PLAAT1: variants seen among roughly 807,000 people sequenced by gnomAD.
PLAAT1 encodes the protein phospholipase A and acyltransferase 1.
A neutral mutation model predicts 16.4 loss-of-function variants in PLAAT1; 13 were observed. That is an observed-to-expected ratio of 0.79 (90% CI 0.52 to 1.26). The LOEUF (loss-of-function observed/expected upper bound fraction) is 1.26, where lower values mean the gene tolerates loss of function less well. Ranked by LOEUF, PLAAT1 falls within the 50% of genes most tolerant of loss-of-function variation. The pLI is 0.00. For missense variants in PLAAT1, 218 were observed against 207.8 expected (o/e 1.05, Z -0.30); for synonymous variants, 73 against 78.4 (o/e 0.93, Z 0.36).
intron 2 of PLAAT1, among the ~76,000 whole-genome samples, chr3:193,262,047 T>C (rs1393636731): frequency 6.6e-6 from 1 of 152,216 alleles, no homozygotes; most frequent in African/African-American, 2.4e-5. Flanking sequence ...GGAGACTCTC[T>C]CTCATGATTG....
In PLAAT1 at chr3:193,267,286, A is replaced by T. The variant is rs545299550; in HGVS notation, c.406-3318A>T. Among the ~76,000 whole-genome samples, 6 of 152,258 alleles carry T rather than the reference A, an allele frequency of 3.9e-5. No homozygotes were observed. In the South Asian group the frequency reaches 1.2e-3, roughly 32 times the overall value. On this transcript the variant is annotated intron_variant, in intron 3 of 3. Coordinates refer to ENST00000264735, the MANE Select transcript of PLAAT1 (RefSeq NM_020386.5). ...ATTCTATGGTTTGGACAAATTTAAAATGACACAATCCATTATTATAGTATT... is the reference window on the plus strand; with the variant it reads ...ATTCTATGGTTTGGACAAATTTAAATTGACACAATCCATTATTATAGTATT...
chr3:193,245,385 G>A (rs1225687757), intron 1 of PLAAT1, among the ~76,000 whole-genome samples: 1 of 152,132 alleles, frequency 6.6e-6, no homozygotes, highest in African/African-American at 2.4e-5. Flanking sequence ...TTTTTTAAAA[G>A]GCTGTATAGT....
At chr3:193,250,671 G>A (rs764152063) in intron 1 of PLAAT1, among the ~76,000 whole-genome samples, 36 of 152,066 alleles carry the variant, frequency 2.4e-4, no homozygotes, top group Admixed American at 9.2e-4. Flanking sequence ...AGGAAAAGGT[G>A]TAGAGGGAGT....
downstream of PLAAT1, chr3:193,281,334 T>G (rs1368401895): frequency 3.4e-6 from 1 of 290,556 alleles, no homozygotes; most frequent in Non-Finnish European, 5.1e-6. Context: ...AGGTCTCGCC[T>G]GTGCACAAGT....
intron 2 of PLAAT1, among the ~76,000 whole-genome samples, chr3:193,277,176 A>T (rs190174675): frequency 6.6e-6 from 1 of 152,186 alleles, no homozygotes; most frequent in Admixed American, 6.5e-5. Context: ...AGATTAAATC[A>T]TTCATCAAAT....
upstream of PLAAT1, among the ~76,000 whole-genome samples, chr3:193,240,654 C>CGCGTGTGTGTGTGTGT (rs1553803498): frequency 6.8e-5 from 6 of 88,502 alleles, no homozygotes; most frequent in African/African-American, 2.9e-4. Context: ...GGCTATCTGG[C>CGCGTGTGTGTGTGTGT]GTGTGTGTGT....
upstream of PLAAT1, among the ~76,000 whole-genome samples, chr3:193,240,943 G>A (rs1266807071): frequency 1.3e-5 from 2 of 152,126 alleles, no homozygotes; most frequent in East Asian, 3.9e-4. Context: ...TAACCGCGGC[G>A]CCTAGCACAG....
Position 193,241,390 on chromosome 3 carries a change from CTGCCTCCCGGG to C in PLAAT1, c.-141_-131del. On this transcript the variant is annotated 5_prime_UTR_variant, in exon 1 of 4. Transcript: ENST00000264735. ...GACGGCCCCGAGTGATGGCTGGCGC[CTGCCTCCCGGG>C]TGTCTCCCGGGTACAGATGGAGTCG... 1 of 1,231,738 alleles carries C rather than the reference CTGCCTCCCGGG, an allele frequency of 8.1e-7. No individual in the cohort carries two copies. The highest frequency in any genetic ancestry group is 1.0e-6 in the Non-Finnish European group (1 of 987,996). 76.3% of individuals were successfully genotyped at this position (1,231,738 alleles called of 1,614,324 possible). A position where few individuals can be genotyped will look rare whatever the true frequency, so the allele number is the denominator to read the frequency against.
chr3:193,264,788 C>T (rs531019900), intron 3 of PLAAT1, among the ~76,000 whole-genome samples: 1 of 152,368 alleles, frequency 6.6e-6, no homozygotes, highest in Non-Finnish European at 1.5e-5. Context: ...GCTGGGATTA[C>T]AGGCGTGAGC....
chr3:193,260,466 A>G (rs1463887416), intron 2 of PLAAT1, among the ~76,000 whole-genome samples: 1 of 152,194 alleles, frequency 6.6e-6, no homozygotes, highest in African/African-American at 2.4e-5. Context: ...ACAAAAGTCT[A>G]GTGCCCAGAA....
At chr3:193,280,850 C>A (rs1432400689), downstream of PLAAT1, among the ~76,000 whole-genome samples, 1 of 152,164 alleles carries the variant, frequency 6.6e-6, no homozygotes, top group African/African-American at 2.4e-5. Context: ...TTCTCTTACA[C>A]TCTACCTCAT....
intron 3 of PLAAT1, among the ~76,000 whole-genome samples, 161 bp from the exon 4 acceptor site, chr3:193,270,443 C>A (rs1716946275): frequency 6.6e-6 from 1 of 152,126 alleles, no homozygotes. Flanking sequence ...AAATTTATTT[C>A]TTCATCTTTA....
At chr3:193,247,146 G>C (rs1297257077) in intron 1 of PLAAT1, among the ~76,000 whole-genome samples, 1 of 152,144 alleles carries the variant, frequency 6.6e-6, no homozygotes, top group Non-Finnish European at 1.5e-5. Context: ...GTATTTAGCT[G>C]TTCATAGTAG....
Position 193,255,771 on chromosome 3 carries a change from A to G in PLAAT1, c.121A>G (p.Ile41Val). The G allele has an allele frequency of 6.2e-7, 1 of 1,609,158 alleles. No individual in the cohort carries two copies. The highest frequency in any genetic ancestry group is 8.5e-7 in the Non-Finnish European group (1 of 1,177,174). The change falls in exon 2 of 4, where the codon ATC becomes GTC. Residue 41 changes from isoleucine to valine, a missense_variant. Ile to Val is a conservative substitution (Grantham distance 29). Transcript: ENST00000264735. ...CCTGTACTTGGGTGATGGTTACGTT[A>G]TCAACATAGCACCTGTAGGTGAGGT... is the stretch of plus-strand genomic sequence containing the variant. ...WALYLGDGYV[I>V]NIAPVDGIPA...
chr3:193,267,456 G>A (rs937353705), intron 3 of PLAAT1, among the ~76,000 whole-genome samples: 3 of 151,956 alleles, frequency 2.0e-5, no homozygotes, highest in African/African-American at 7.3e-5. Context: ...CTGAAATCAT[G>A]TAGTATGTGG....
At chr3:193,251,789 G>C (rs1716200401) in intron 1 of PLAAT1, among the ~76,000 whole-genome samples, 2 of 152,088 alleles carry the variant, frequency 1.3e-5, no homozygotes, top group African/African-American at 4.8e-5. Context: ...GTGTGTAGGA[G>C]TCTTTCAGCT....
At chr3:193,249,114 T>G (rs1430189774) in intron 1 of PLAAT1, among the ~76,000 whole-genome samples, 1 of 152,130 alleles carries the variant, frequency 6.6e-6, no homozygotes, top group Admixed American at 6.5e-5. Context: ...AGGGTTTTTT[T>G]TCTTTTAGCT....
At chr3:193,269,154 A>C (rs1428752601) in intron 3 of PLAAT1, among the ~76,000 whole-genome samples, 1 of 152,150 alleles carries the variant, frequency 6.6e-6, no homozygotes. Context: ...CCAATATGGC[A>C]TATGGGTGGC....
intron 1 of PLAAT1, 60 bp downstream of exon 1, chr3:193,241,593 C>T (rs2108772970): frequency 8.5e-7 from 1 of 1,175,006 alleles, no homozygotes; most frequent in East Asian, 3.2e-5. Flanking sequence ...CGTGTTCTAA[C>T]CAACTGGCAA....
Sources: gnomAD v4.1 joint callset for allele counts (sites outside exome capture counted in the v4.1 genomes callset) on GRCh38, gnomAD v4.1.1 for gene constraint, MANE v1.5 for transcripts, NCBI Gene and HGNC (gene_info 2026-07-23, HGNC 2026-07-21) for gene names.